The following C8orf34 variants were observed in gnomAD, a reference collection of about 807,000 sequenced individuals.
The protein encoded by C8orf34 is chromosome 8 open reading frame 34.
C8orf34 carries 65 observed loss-of-function variants against 68.3 expected under a neutral mutation model. The ratio of observed to expected loss-of-function variants is 0.95; its 90% confidence interval spans 0.78 to 1.17. The LOEUF (loss-of-function observed/expected upper bound fraction) is 1.17, where lower values mean the gene tolerates loss of function less well. C8orf34 is among the 50% of genes most tolerant of loss of function. The pLI, the probability that C8orf34 is intolerant of heterozygous loss-of-function variation, is 0.00. For synonymous variants in C8orf34, 244 were observed against 241.2 expected (o/e 1.01, Z -0.11); for missense variants, 664 against 655.4 (o/e 1.01, Z -0.14).
intron 7 of C8orf34, among the ~76,000 whole-genome samples, chr8:68,617,301 G>A (rs1442183714): frequency 1.3e-5 from 2 of 152,170 alleles, no homozygotes; most frequent in African/African-American, 2.4e-5. Context: ...AGTTAATAGT[G>A]TTATGTGTGA....
intron 11 of C8orf34, among the ~76,000 whole-genome samples, chr8:68,777,708 C>A (rs998142164): frequency 6.6e-6 from 1 of 152,150 alleles, no homozygotes; most frequent in Non-Finnish European, 1.5e-5. Context: ...TCTTTTCCAA[C>A]GTTCTTTCTA....
At chr8:68,439,237 T>G in intron 1 of C8orf34, 1 of 273,502 alleles carries the variant, frequency 3.7e-6, no homozygotes, top group Non-Finnish European at 6.8e-6. Context: ...TGGCTAAGTA[T>G]AATACAAAAT....
intron 7 of C8orf34, among the ~76,000 whole-genome samples, chr8:68,617,980 G>C (rs559288138): frequency 1.8e-4 from 28 of 151,918 alleles, no homozygotes; most frequent in African/African-American, 6.5e-4. Flanking sequence ...GGCTTTGTTC[G>C]TTTCTTTTTA....
intron 1 of C8orf34, among the ~76,000 whole-genome samples, chr8:68,345,085 G>A (rs986795845): frequency 6.6e-6 from 1 of 151,856 alleles, no homozygotes; most frequent in East Asian, 1.9e-4. Context: ...GACAGAGCAG[G>A]AATTTTAATA....
Position 68,462,472 on chromosome 8 carries a change from A to G in C8orf34, c.608-6220A>G, listed in dbSNP as rs566420007. 1.3e-3 allele frequency among the ~76,000 whole-genome samples: 193 copies of G among 151,216 alleles called. 1 individual carries two copies. The highest frequency in any genetic ancestry group is 4.1e-3 in the African/African-American group (169 of 41,218). On this transcript the variant is annotated intron_variant, in intron 3 of 13. Coordinates refer to ENST00000518698, the MANE Select transcript of C8orf34 (RefSeq NM_052958.4). Reference sequence around the variant, plus strand: ...GACATCTACAGAACTCTCCACCCCAAATCAACAGAATATACATTTTTTTCA... The same window carrying G: ...GACATCTACAGAACTCTCCACCCCAGATCAACAGAATATACATTTTTTTCA...
intron 3 of C8orf34, among the ~76,000 whole-genome samples, chr8:68,450,174 C>A (rs1811286424): frequency 6.6e-6 from 1 of 152,114 alleles, no homozygotes. Flanking sequence ...TCTCCTCATC[C>A]ATTCAATGTC....
intron 7 of C8orf34, among the ~76,000 whole-genome samples, chr8:68,564,029 T>A (rs1310653447): frequency 6.6e-6 from 1 of 152,182 alleles, no homozygotes; most frequent in Non-Finnish European, 1.5e-5. Context: ...AATTTCAAAA[T>A]AAAAAATGCT....
chr8:68,796,282 T>C (rs1824175193), intron 12 of C8orf34, among the ~76,000 whole-genome samples: 1 of 152,212 alleles, frequency 6.6e-6, no homozygotes, highest in African/African-American at 2.4e-5. Context: ...ATTTTGATGA[T>C]TATTTTTGCC....
At chr8:68,655,641 G>A (rs945839049) in intron 8 of C8orf34, among the ~76,000 whole-genome samples, 12 of 152,158 alleles carry the variant, frequency 7.9e-5, no homozygotes, top group African/African-American at 2.4e-4. Context: ...GTACAATTAA[G>A]ATAGGTGAGT....
At chr8:68,720,951 G>A (rs917427047) in intron 9 of C8orf34, among the ~76,000 whole-genome samples, 7 of 151,758 alleles carry the variant, frequency 4.6e-5, no homozygotes, top group African/African-American at 1.7e-4. Flanking sequence ...CTAAAAGAGA[G>A]AGCACAAAAT....
At chr8:68,468,925 C>A in intron 4 of C8orf34, 105 bp downstream of exon 4, 1 of 1,228,206 alleles carries the variant, frequency 8.1e-7, no homozygotes, top group African/African-American at 1.5e-5. Context: ...CATTCTAATT[C>A]TGCAAGAGGC....
chr8:68,785,587 C>T (rs543012377), intron 11 of C8orf34, among the ~76,000 whole-genome samples: 5 of 152,186 alleles, frequency 3.3e-5, no homozygotes, highest in Admixed American at 1.3e-4. Context: ...ACCTTATTTC[C>T]TCCCCCTTCA....
At chr8:68,366,472 G>A (rs1188900265) in intron 1 of C8orf34, among the ~76,000 whole-genome samples, 1 of 144,700 alleles carries the variant, frequency 6.9e-6, no homozygotes, top group Non-Finnish European at 1.5e-5. Context: ...AAAGCTGGAG[G>A]CATCACACTA....
At chr8:68,697,133 A>T (rs1205882799) in intron 8 of C8orf34, among the ~76,000 whole-genome samples, 1 of 151,936 alleles carries the variant, frequency 6.6e-6, no homozygotes, top group Non-Finnish European at 1.5e-5. Context: ...AAATGACCTA[A>T]TTTATTTTTA....
At chr8:68,614,038 C>T (rs1419702325) in intron 7 of C8orf34, among the ~76,000 whole-genome samples, 2 of 152,176 alleles carry the variant, frequency 1.3e-5, no homozygotes, top group Non-Finnish European at 2.9e-5. Flanking sequence ...CTCTGATGGC[C>T]AGTGATGGTG....
intron 1 of C8orf34, among the ~76,000 whole-genome samples, chr8:68,342,843 A>T (rs1176250602): frequency 6.6e-6 from 1 of 152,196 alleles, no homozygotes; most frequent in Non-Finnish European, 1.5e-5. Flanking sequence ...CAATTCAGAT[A>T]TGCCAAAGAG....
At chr8:68,479,754 G>A (rs981000962) in intron 4 of C8orf34, among the ~76,000 whole-genome samples, 1 of 152,178 alleles carries the variant, frequency 6.6e-6, no homozygotes, top group African/African-American at 2.4e-5. Context: ...GTAAGAAGGA[G>A]GAAGAGATGG....
intron 11 of C8orf34, among the ~76,000 whole-genome samples, chr8:68,779,000 G>A (rs754113982): frequency 6.6e-6 from 1 of 151,774 alleles, no homozygotes; most frequent in Non-Finnish European, 1.5e-5. Context: ...AACATAGTGA[G>A]ACCCTGTCTC....
At chr8:68,372,491 T>C (rs531563643) in intron 1 of C8orf34, among the ~76,000 whole-genome samples, 1 of 152,230 alleles carries the variant, frequency 6.6e-6, no homozygotes, top group Admixed American at 6.5e-5. Context: ...CTAGAGATGG[T>C]TCTCTGGTGG....
Sources: gnomAD v4.1 joint callset for allele counts (sites outside exome capture counted in the v4.1 genomes callset) on GRCh38, gnomAD v4.1.1 for gene constraint, MANE v1.5 for transcripts, NCBI Gene and HGNC (gene_info 2026-07-23, HGNC 2026-07-21) for gene names.